PPP1R16B: variants seen among roughly 807,000 people sequenced by gnomAD.
The protein encoded by PPP1R16B is protein phosphatase 1 regulatory subunit 16B, also known as protein phosphatase 1 regulatory inhibitor subunit 16B.
A neutral mutation model predicts 61.7 loss-of-function variants in PPP1R16B; 14 were observed. The ratio of observed to expected loss-of-function variants is 0.23; its 90% CI spans 0.15 to 0.35. The LOEUF is 0.35. PPP1R16B is among the 10% of genes least tolerant of loss of function. The pLI, the probability that PPP1R16B is intolerant of heterozygous loss-of-function variation, is 1.00. For missense variants in PPP1R16B, 547 were observed against 752.5 expected (o/e 0.73, Z 3.19); for synonymous variants, 266 against 305.3 (o/e 0.87, Z 1.34).
At chr20:38,824,549 C>G (rs941462805) in intron 1 of PPP1R16B, among the ~76,000 whole-genome samples, 2 of 152,194 alleles carry the variant, frequency 1.3e-5, no homozygotes, top group African/African-American at 4.8e-5. Flanking sequence ...CAGTTCCATC[C>G]CACACTGGCT....
intron 2 of PPP1R16B, among the ~76,000 whole-genome samples, chr20:38,869,861 C>T (rs1475804746): frequency 1.3e-5 from 2 of 152,052 alleles, no homozygotes. Context: ...CACCCCCATC[C>T]CGCTGCCACA....
In PPP1R16B at chr20:38,902,755, A is replaced by G. The variant is rs773613554; in HGVS notation, c.659A>G (p.Gln220Arg). The change falls in exon 6 of 11, where the codon CAG becomes CGG. Residue 220 changes from glutamine (Q) to arginine (R), a missense_variant. Physicochemically the swap from Gln to Arg is conservative, Grantham distance 43 (BLOSUM62 1). Transcript: ENST00000299824. Reference protein sequence around the residue: ...ADIHCMIAAGQDLDWIDAQGA... With the variant: ...ADIHCMIAAGRDLDWIDAQGA... ...ATCCACTGCATGATCGCAGCGGGCC[A>G]GGACCTGGACTGGATAGATGCCCAG... The G allele has an allele frequency of 1.1e-5, 18 of 1,614,150 alleles. No homozygotes were observed. The South Asian group carries it at 1.8e-4, about 16-fold the overall frequency.
Position 38,920,034 on chromosome 20 carries a change from G to C in PPP1R16B, c.*1368G>C, listed in dbSNP as rs745972984. The C allele has an allele frequency of 1.3e-5, 2 of 152,274 alleles. No individual in the cohort carries two copies. Among genetic ancestry groups the C allele is most frequent in the Non-Finnish European group, 2.9e-5 (2 of 68,070 alleles). The allele number at this position is 152,274 out of a possible 1,614,324, so 9.4% of individuals were successfully genotyped here. Reference sequence around the variant, plus strand: ...GTGATGCCCCAAGTCTGCGAATCCAGGGTGCACGTGGTCAATATCCCCTCC... The same window carrying C: ...GTGATGCCCCAAGTCTGCGAATCCACGGTGCACGTGGTCAATATCCCCTCC... On this transcript the variant is annotated 3_prime_UTR_variant, in exon 11 of 11. Coordinates refer to ENST00000299824, the MANE Select transcript of PPP1R16B (RefSeq NM_015568.4).
chr20:38,877,563 C>T (rs759025872), intron 2 of PPP1R16B, among the ~76,000 whole-genome samples: 3 of 152,130 alleles, frequency 2.0e-5, no homozygotes, highest in African/African-American at 4.8e-5. Context: ...CCATCCGCCT[C>T]GGGCTCCCAA....
chr20:38,813,697 A>G (rs1001129665), intron 1 of PPP1R16B, among the ~76,000 whole-genome samples: 2 of 151,884 alleles, frequency 1.3e-5, no homozygotes, highest in Non-Finnish European at 2.9e-5. Flanking sequence ...ACTTATTATG[A>G]GCCAGGTGCT....
chr20:38,835,829 C>T lies in PPP1R16B; in HGVS notation c.-97C>T. On this transcript the variant is annotated 5_prime_UTR_variant, in exon 2 of 11. Transcript: ENST00000299824. ...GTGTCTCCCTCCCTGCCACAGGCCA[C>T]ACCATGAGGCCCCAGCCCCACCAGA... The T allele has an allele frequency of 7.2e-7, 1 of 1,382,196 alleles. No homozygotes were observed. Among genetic ancestry groups the T allele is most frequent in the Non-Finnish European group, 9.5e-7 (1 of 1,049,308 alleles). The allele number at this position is 1,382,196 out of a possible 1,614,324, so 85.6% of individuals were successfully genotyped here.
chr20:38,871,015 C>T (rs2085125182), intron 2 of PPP1R16B, among the ~76,000 whole-genome samples: 1 of 152,150 alleles, frequency 6.6e-6, no homozygotes, highest in Admixed American at 6.5e-5. Context: ...AAACAGGGCT[C>T]GGATGCCTGC....
At chr20:38,834,250 G>A (rs147027951) in intron 1 of PPP1R16B, among the ~76,000 whole-genome samples, 331 of 152,282 alleles carry the variant, frequency 2.2e-3, no homozygotes, top group African/African-American at 7.5e-3. Flanking sequence ...GCCTCAAGCT[G>A]TCGTCCCACC....
chr20:38,861,758 C>T (rs1335442937), intron 2 of PPP1R16B, among the ~76,000 whole-genome samples: 2 of 150,382 alleles, frequency 1.3e-5, no homozygotes, highest in African/African-American at 4.9e-5. Context: ...CTCACTGCAA[C>T]CTCTGCCTCC....
rs755368126 is a variant in PPP1R16B, at chr20:38,838,172, G to T, written c.250+1997G>T. 2.6e-5 allele frequency: 4 copies of T among 152,250 alleles called. No individual in the cohort carries two copies. In the South Asian group the frequency reaches 8.3e-4, roughly 32 times the overall value. 9.4% of individuals were successfully genotyped at this position (152,250 alleles called of 1,614,324 possible). On this transcript the variant is annotated intron_variant, in intron 2 of 10. Transcript: ENST00000299824. ...CCCTTCCCTGGGCTTGTTCAGAGGCGGTCTCGCCTGCTCATTGTGAGCCAA... is the reference window on the plus strand; with the variant it reads ...CCCTTCCCTGGGCTTGTTCAGAGGCTGTCTCGCCTGCTCATTGTGAGCCAA...
At chr20:38,899,191 G>A (rs1454007653) in intron 4 of PPP1R16B, among the ~76,000 whole-genome samples, 6 of 152,226 alleles carry the variant, frequency 3.9e-5, no homozygotes, top group Admixed American at 3.3e-4. Flanking sequence ...TGGGGTGTAC[G>A]AAAGCTCAGA....
At chr20:38,863,397 A>G (rs544179842) in intron 2 of PPP1R16B, among the ~76,000 whole-genome samples, 12 of 152,344 alleles carry the variant, frequency 7.9e-5, no homozygotes, top group Non-Finnish European at 1.5e-4. Flanking sequence ...GAGCCCCTGC[A>G]GAGCCCAGGA....
intron 2 of PPP1R16B, among the ~76,000 whole-genome samples, chr20:38,843,180 G>T (rs1252364936): frequency 1.3e-5 from 2 of 152,192 alleles, no homozygotes; most frequent in African/African-American, 4.8e-5. Flanking sequence ...AAATTTAAAC[G>T]GAGGCATTAA....
chr20:38,807,903 T>C (rs2084672923), intron 1 of PPP1R16B, among the ~76,000 whole-genome samples: 1 of 152,024 alleles, frequency 6.6e-6, no homozygotes, highest in African/African-American at 2.4e-5. Context: ...CCATCTGTGC[T>C]CTCCAGATCA....
At chr20:38,894,276 C>T (rs2085317041) in intron 3 of PPP1R16B, among the ~76,000 whole-genome samples, 1 of 152,204 alleles carries the variant, frequency 6.6e-6, no homozygotes, top group East Asian at 1.9e-4. Context: ...CATCCCACGC[C>T]TACACCCACG....
intron 2 of PPP1R16B, among the ~76,000 whole-genome samples, chr20:38,841,442 C>T (rs984157829): frequency 4.0e-5 from 6 of 149,734 alleles, no homozygotes; most frequent in East Asian, 2.0e-4. Flanking sequence ...GCAGGAGGAT[C>T]GCTTGAATCC....
intron 4 of PPP1R16B, among the ~76,000 whole-genome samples, chr20:38,896,228 C>T (rs985282465): frequency 8.1e-6 from 1 of 123,536 alleles, no homozygotes; most frequent in African/African-American, 3.1e-5. Context: ...CCTTTCTTTT[C>T]CCTACCTGCC....
At chr20:38,835,745 C>T (rs1050496882) in intron 1 of PPP1R16B, 80 bp from the exon 2 acceptor site, 5 of 719,630 alleles carry the variant, frequency 6.9e-6, no homozygotes, top group Non-Finnish European at 4.3e-6. Flanking sequence ...GCGTTTCGAA[C>T]ACGGGGCGTT....
In PPP1R16B at chr20:38,875,079, A is replaced by G. The variant is rs187327324; in HGVS notation, c.251-14516A>G. Among the ~76,000 whole-genome samples, 22 of 152,266 alleles carry G rather than the reference A, an allele frequency of 1.4e-4. No homozygotes were observed. The East Asian group carries it at 4.3e-3, about 29-fold the overall frequency. On this transcript the variant is annotated intron_variant, in intron 2 of 10. Coordinates refer to ENST00000299824, the MANE Select transcript of PPP1R16B (RefSeq NM_015568.4). Reference sequence around the variant, plus strand: ...CATCTGGCTGAGCTGTGAGGATACGAGGGTTGAAGACCATGGCATTTTTGT... The same window carrying G: ...CATCTGGCTGAGCTGTGAGGATACGGGGGTTGAAGACCATGGCATTTTTGT...
Sources: gnomAD v4.1 joint callset for allele counts (sites outside exome capture counted in the v4.1 genomes callset) on GRCh38, gnomAD v4.1.1 for gene constraint, MANE v1.5 for transcripts, NCBI Gene and HGNC (gene_info 2026-07-23, HGNC 2026-07-21) for gene names.